The following SIRT2 variants were observed in gnomAD, a reference collection of about 807,000 sequenced individuals.
SIRT2 encodes sirtuin 2.
A neutral mutation model predicts 57.4 loss-of-function variants in SIRT2; 40 were observed. The observed-to-expected ratio is 0.70, with a 90% CI of 0.54 to 0.91. The LOEUF is 0.91. SIRT2 is among the 40% of genes least tolerant of loss of function. The pLI, the probability that SIRT2 is intolerant of heterozygous loss-of-function variation, is 0.00. For missense variants in SIRT2, 439 were observed against 510.4 expected (o/e 0.86, Z 1.35); for synonymous variants, 161 against 195.7 (o/e 0.82, Z 1.48).
At position 38,879,121 on chromosome 19, in the gene SIRT2, A is replaced by T. The variant is rs201249694; in HGVS notation, c.*34T>A. On this transcript the variant is annotated 3_prime_UTR_variant, in exon 16 of 16. Transcript: ENST00000249396. ...CCCGGTTGGGGCTCAGCTGTCCCTG[A>T]GGAGCTCGGCATCCCGCCTGGGAGA... is the stretch of plus-strand genomic sequence containing the variant. 2.0e-6 allele frequency: 3 copies of T among 1,538,332 alleles called. No homozygotes were observed. The South Asian group carries it at 3.9e-5, about 20-fold the overall frequency.
At position 38,889,089 on chromosome 19, in the gene SIRT2, G is replaced by T. The variant is rs1158466489; in HGVS notation, c.499C>A (p.Gln167Lys). 1.2e-6 allele frequency: 2 copies of T among 1,612,028 alleles called. No homozygotes were observed. Among genetic ancestry groups the T allele is most frequent in the Non-Finnish European group, 1.7e-6 (2 of 1,179,940 alleles). ...CCAGGATGCTCGCATCCGCCTACCT[G>T]CGTGTAGCAGCGCAGGAGTAGCCCC... ...DKGLLLRCYT[Q>K]NIDTLERIAG... Residue 167 changes from glutamine (Q) to lysine (K), a missense_variant and splice_region_variant, in exon 8 of 16, where the codon CAG (glutamine) becomes AAG (lysine). Coordinates refer to ENST00000249396, the MANE Select transcript of SIRT2 (RefSeq NM_012237.4).
At chr19:38,885,258 T>TA (rs1486389736) in intron 8 of SIRT2, among the ~76,000 whole-genome samples, 1 of 151,324 alleles carries the variant, frequency 6.6e-6, no homozygotes, top group Admixed American at 6.6e-5. Context: ...GCTAATTTTT[T>TA]ATCTTTTTAA....
intron 8 of SIRT2, among the ~76,000 whole-genome samples, chr19:38,886,964 GTCTC>G (rs950989564): frequency 6.6e-6 from 1 of 151,664 alleles, no homozygotes; most frequent in African/African-American, 2.4e-5. Flanking sequence ...TTGAGACGGA[GTCTC>G]TCTCTGTCAC....
rs749449778 is a variant in SIRT2, at chr19:38,893,984, G to A, written c.64-117C>T. 266 of 1,557,478 alleles carry A rather than the reference G, an allele frequency of 1.7e-4. 1 individual carries two copies. Among genetic ancestry groups the A allele is most frequent in the Non-Finnish European group, 1.9e-4 (220 of 1,150,892 alleles). On this transcript the variant is annotated intron_variant, in intron 2 of 15. Coordinates refer to ENST00000249396, the MANE Select transcript of SIRT2 (RefSeq NM_012237.4). Reference sequence around the variant, plus strand: ...GCAGGAAGGTGGCCTGAGGAAGTGCGGGGTGGTGGAGAGACTGCACTGGGG... The same window carrying A: ...GCAGGAAGGTGGCCTGAGGAAGTGCAGGGTGGTGGAGAGACTGCACTGGGG...
chr19:38,886,298 T>C (rs1013217131), intron 8 of SIRT2, among the ~76,000 whole-genome samples: 1 of 152,198 alleles, frequency 6.6e-6, no homozygotes. Context: ...TTCTAAATCT[T>C]GGTTTTGCCT....
At chr19:38,887,146 C>A (rs1973368244) in intron 8 of SIRT2, among the ~76,000 whole-genome samples, 1 of 152,084 alleles carries the variant, frequency 6.6e-6, no homozygotes, top group Non-Finnish European at 1.5e-5. Context: ...AACAGCACCC[C>A]CTTTCCCGAA....
chr19:38,879,916 C>G, intron 13 of SIRT2: 1 of 558,310 alleles, frequency 1.8e-6, no homozygotes, highest in Non-Finnish European at 3.2e-6. Flanking sequence ...ACCTCCACCT[C>G]CTGGGTTCAA....
Position 38,879,434 on chromosome 19 carries a change from C to A in SIRT2, c.1014G>T (p.Lys338Asn). ...CLALAELLGWKKELEDLVRRE... is the reference protein window; with the variant it reads ...CLALAELLGWNKELEDLVRRE... ...AGGCTGGGGTTGCTCAGCTCCTCAC[C>A]TTCCATCCAAGGAGCTCAGCAAGGG... The change falls in exon 15 of 16, where the codon AAG becomes AAT. Residue 338 changes from lysine (K) to asparagine (N), a missense_variant and splice_region_variant. Lys to Asn is a moderately conservative substitution (Grantham distance 94). Transcript: ENST00000249396. 6.3e-7 allele frequency: 1 copy of A among 1,592,896 alleles called. No homozygotes were observed.
At chr19:38,885,039 G>C (rs1973282705) in intron 8 of SIRT2, among the ~76,000 whole-genome samples, 1 of 152,094 alleles carries the variant, frequency 6.6e-6, no homozygotes, top group African/African-American at 2.4e-5. Flanking sequence ...TTAGTAGCCA[G>C]GGTCCTTTCT....
At chr19:38,895,952 G>A (rs1973703045) in intron 2 of SIRT2, among the ~76,000 whole-genome samples, 1 of 152,098 alleles carries the variant, frequency 6.6e-6, no homozygotes, top group Non-Finnish European at 1.5e-5. Context: ...CGTGTCTGTA[G>A]TCCCAGCTAT....
chr19:38,898,950 G>A, intron 1 of SIRT2: 1 of 171,964 alleles, frequency 5.8e-6, no homozygotes, highest in Non-Finnish European at 1.3e-5. Flanking sequence ...GGAACACTCA[G>A]GAGGAGTTAG....
In SIRT2 at chr19:38,880,441, A is replaced by C; in HGVS notation, c.876+244T>G. ...CCCCTGCACCCCCTCCCACCTCCTC[A>C]GTCCCTGGAAGCCCGGCCTTCCTAT... On this transcript the variant is annotated intron_variant, in intron 13 of 15. Transcript: ENST00000249396. The surrounding 1 kb of genome is among the most constrained non-coding windows in gnomAD (Gnocchi z 4.1). 1 of 411,818 alleles carries C rather than the reference A, an allele frequency of 2.4e-6. No homozygotes were observed. The allele number at this position is 411,818 out of a possible 1,614,324, so 25.5% of individuals were successfully genotyped here. A position where few individuals can be genotyped will look rare whatever the true frequency, so the allele number is the denominator to read the frequency against.
rs536923126 is a variant in SIRT2 at position 38,880,379 on chromosome 19, G to A, written c.876+306C>T. On this transcript the variant is annotated intron_variant, in intron 13 of 15. Coordinates refer to ENST00000249396, the MANE Select transcript of SIRT2 (RefSeq NM_012237.4). The surrounding 1 kb of genome is among the most constrained non-coding windows in gnomAD (Gnocchi z 4.1). ...AAAACAGACCTGAGAGACCCAGAGC[G>A]TGGACCCAACCCCGCCCCCCGCACT... The A allele has an allele frequency of 4.9e-5, 17 of 347,502 alleles. No individual in the cohort carries two copies. Among genetic ancestry groups the A allele is most frequent in the East Asian group, 2.9e-4 (6 of 20,622 alleles). 21.5% of individuals were successfully genotyped at this position (347,502 alleles called of 1,614,324 possible). A position where few individuals can be genotyped will look rare whatever the true frequency, so the allele number is the denominator to read the frequency against.
At chr19:38,889,616 C>T in intron 7 of SIRT2, 73 bp downstream of exon 7, 1 of 1,543,112 alleles carries the variant, frequency 6.5e-7, no homozygotes, top group Non-Finnish European at 8.9e-7. Flanking sequence ...GTCTGCAGGG[C>T]CTTGGCGGGG....
rs1415034938 is a variant in SIRT2 at position 38,880,643 on chromosome 19, G to C, written c.876+42C>G. 3 of 1,438,066 alleles carry C rather than the reference G, an allele frequency of 2.1e-6. No homozygotes were observed. The highest frequency in any genetic ancestry group is 2.8e-6 in the Non-Finnish European group (3 of 1,057,584). 89.1% of individuals were successfully genotyped at this position (1,438,066 alleles called of 1,614,324 possible). A position where few individuals can be genotyped will look rare whatever the true frequency, so the allele number is the denominator to read the frequency against. On this transcript the variant is annotated intron_variant, in intron 13 of 15. Transcript: ENST00000249396. The surrounding 1 kb of genome is among the most constrained non-coding windows in gnomAD (Gnocchi z 4.1). Reference sequence around the variant, plus strand: ...CTCTGAGGAAAAGGGTGAGAGGGAAGGGGGAGCCTGTGACGACGGGGGCTT... The same window carrying C: ...CTCTGAGGAAAAGGGTGAGAGGGAACGGGGAGCCTGTGACGACGGGGGCTT...
chr19:38,884,108 TAA>T (rs61351914), intron 8 of SIRT2, among the ~76,000 whole-genome samples: 1,478 of 116,094 alleles, frequency 0.013, 21 homozygotes, highest in East Asian at 0.086. Flanking sequence ...TACAAAAAAT[TAA>T]AAAAAAAAAA....
chr19:38,881,559 C>T (rs1314249387), intron 9 of SIRT2, 68 bp from the exon 10 acceptor site: 4 of 1,244,346 alleles, frequency 3.2e-6, no homozygotes, highest in African/African-American at 3.0e-5. Flanking sequence ...GGAGGTGCAG[C>T]ACCCCCACCC....
intron 9 of SIRT2, among the ~76,000 whole-genome samples, chr19:38,883,276 A>G (rs1231599638): frequency 6.6e-6 from 1 of 151,416 alleles, no homozygotes; most frequent in Non-Finnish European, 1.5e-5. Flanking sequence ...TCTAGTAGAA[A>G]CGGGGTTTCA....
intron 8 of SIRT2, 84 bp from the exon 9 acceptor site, chr19:38,883,840 C>T (rs746900555): frequency 7.7e-5 from 114 of 1,474,506 alleles, no homozygotes; most frequent in Admixed American, 6.0e-4. Flanking sequence ...TTGAGGGCCA[C>T]GAGGAGCAGT....
Sources: gnomAD v4.1 joint callset for allele counts (sites outside exome capture counted in the v4.1 genomes callset) on GRCh38, gnomAD v4.1.1 for gene constraint, Gnocchi (gnomAD v3.1) non-coding constraint, MANE v1.5 for transcripts, NCBI Gene and HGNC (gene_info 2026-07-23, HGNC 2026-07-21) for gene names.